The following ARVCF variants were observed in gnomAD, a reference collection of about 807,000 sequenced individuals.
ARVCF encodes the protein splicing regulator ARVCF.
ARVCF carries 66 observed loss-of-function variants against 90.9 expected under a neutral mutation model. That is an observed-to-expected ratio of 0.73 (90% CI 0.60 to 0.89). ARVCF has a LOEUF of 0.89. Among genes scored for constraint, ARVCF ranks in the 40% least tolerant of loss-of-function variants. The probability of loss-of-function intolerance (pLI) is 0.00; values close to 1 mark genes in which losing one functional copy is unlikely to be tolerated. For missense variants in ARVCF, 1,469 were observed against 1,382.3 expected, an observed-to-expected ratio of 1.06 and a Z score of -1.00; for synonymous variants, 653 against 603.4, an observed-to-expected ratio of 1.08 and a Z score of -1.21.
chr22:19,979,365 G>A (rs1289245596), intron 6 of ARVCF: 11 of 522,248 alleles, frequency 2.1e-5, no homozygotes, highest in South Asian at 7.7e-5. Context: ...GAGGCCACAG[G>A]GCCTCACAGA....
chr22:19,984,652 C>T (rs901226080), intron 3 of ARVCF, among the ~76,000 whole-genome samples: 2 of 152,220 alleles, frequency 1.3e-5, no homozygotes, highest in Admixed American at 6.5e-5. Flanking sequence ...CGGCACAGGC[C>T]GAGCACATCA....
intron 2 of ARVCF, among the ~76,000 whole-genome samples, chr22:20,004,859 C>T (rs566436939): frequency 3.9e-5 from 6 of 152,220 alleles, no homozygotes; most frequent in African/African-American, 1.4e-4. Context: ...GAACTCACAC[C>T]CTTACCTTAT....
intron 6 of ARVCF, chr22:19,979,515 A>G: frequency 1.1e-5 from 7 of 665,406 alleles, no homozygotes; most frequent in Non-Finnish European, 1.5e-5. Flanking sequence ...GTGAGGGGAC[A>G]TGCCCGAGGG....
In ARVCF at chr22:19,972,506, GCTCT is replaced by G. The variant is rs573735064; in HGVS notation, c.2642-99_2642-96del. The G allele has an allele frequency of 5.2e-3, 7,715 of 1,489,964 alleles. 33 individuals are homozygous for G. Among genetic ancestry groups the G allele is most frequent in the Non-Finnish European group, 6.5e-3 (7,022 of 1,083,902 alleles). 92.3% of individuals were successfully genotyped at this position (1,489,964 alleles called of 1,614,324 possible). On this transcript the variant is annotated intron_variant, in intron 16 of 19. Transcript: ENST00000263207. ...AGGGCTGGCCCAGGTAGCCCTAGAG[GCTCT>G]CTGTCACTAAGGTGCCCAACCTCTG...
chr22:19,987,578 G>C (rs1057105952), intron 3 of ARVCF, among the ~76,000 whole-genome samples: 2 of 152,066 alleles, frequency 1.3e-5, no homozygotes, highest in Non-Finnish European at 2.9e-5. Flanking sequence ...CCCGTGCTGC[G>C]ATGCACAGAG....
chr22:19,994,755 AGATGAATG>A, intron 2 of ARVCF, among the ~76,000 whole-genome samples: 1 of 131,640 alleles, frequency 7.6e-6, no homozygotes, highest in South Asian at 2.7e-4. Flanking sequence ...ATGGACATAT[AGATGAATG>A]GATGGATGGG....
chr22:19,995,192 A>G (rs1284321095), intron 2 of ARVCF, among the ~76,000 whole-genome samples: 1 of 151,966 alleles, frequency 6.6e-6, no homozygotes, highest in Non-Finnish European at 1.5e-5. Context: ...GTTATATAAG[A>G]AAATGAGGGG....
At chr22:19,980,423 A>C in intron 5 of ARVCF, 181 bp from the exon 6 acceptor site, 1 of 944,996 alleles carries the variant, frequency 1.1e-6, no homozygotes. Flanking sequence ...CCCAGTGAGA[A>C]CCAATTCAGA....
At chr22:19,978,550 G>A (rs1380160206) in intron 7 of ARVCF, among the ~76,000 whole-genome samples, 1 of 152,154 alleles carries the variant, frequency 6.6e-6, no homozygotes, top group African/African-American at 2.4e-5. Context: ...GGGTAGGAGG[G>A]GAAGGGCAGA....
At chr22:19,991,744 T>C (rs1435742882) in intron 2 of ARVCF, among the ~76,000 whole-genome samples, 1 of 152,198 alleles carries the variant, frequency 6.6e-6, no homozygotes, top group Non-Finnish European at 1.5e-5. Flanking sequence ...CTGCCCAGAA[T>C]GTTTGTTTTT....
At chr22:19,972,323 G>C in intron 17 of ARVCF, 35 bp downstream of exon 17, 1 of 1,613,406 alleles carries the variant, frequency 6.2e-7, no homozygotes, top group Non-Finnish European at 8.5e-7. Flanking sequence ...TCCCCTCCCG[G>C]CACAGAAAAC....
intron 1 of ARVCF, among the ~76,000 whole-genome samples, chr22:20,010,773 C>T (rs952195836): frequency 6.6e-6 from 1 of 152,240 alleles, no homozygotes; most frequent in South Asian, 2.1e-4. Flanking sequence ...AAACGTGATC[C>T]TTCAGAGATG....
At chr22:19,995,522 G>A (rs369384462) in intron 2 of ARVCF, among the ~76,000 whole-genome samples, 82 of 152,308 alleles carry the variant, frequency 5.4e-4, no homozygotes, top group African/African-American at 1.9e-3. Flanking sequence ...AAGGCATGGT[G>A]AGGAACCTGA....
intron 1 of ARVCF, among the ~76,000 whole-genome samples, chr22:20,010,871 C>G (rs966958504): frequency 6.6e-6 from 1 of 152,250 alleles, no homozygotes; most frequent in Non-Finnish European, 1.5e-5. Context: ...TGTTGCCCCA[C>G]GCAGGTGCTC....
chr22:19,988,423 G>A (rs1291117072), intron 3 of ARVCF, among the ~76,000 whole-genome samples: 5 of 152,240 alleles, frequency 3.3e-5, no homozygotes, highest in Admixed American at 3.3e-4. Flanking sequence ...AGCAGCTAGT[G>A]CCCCAGCCAC....
Position 19,972,766 on chromosome 22 carries a change from C to CT in ARVCF, c.2611dup (p.Ser871LysfsTer11). 1 of 1,613,022 alleles carries CT rather than the reference C, an allele frequency of 6.2e-7. No homozygotes were observed. Among genetic ancestry groups the CT allele is most frequent in the Non-Finnish European group, 8.5e-7 (1 of 1,179,504 alleles). On this transcript the variant is annotated frameshift_variant, in exon 16 of 20. Transcript: ENST00000263207. LOFTEE classifies it high-confidence loss of function. Reference sequence around the variant, plus strand: ...GCTCTTGTCCACCAGTGGCAGCGTGCTGTCATCGAAGCCCCCAGGACTCAG... The same window carrying CT: ...GCTCTTGTCCACCAGTGGCAGCGTGCTTGTCATCGAAGCCCCCAGGACTCAG...
At chr22:19,987,578 G>A (rs1057105952) in intron 3 of ARVCF, among the ~76,000 whole-genome samples, 4 of 152,066 alleles carry the variant, frequency 2.6e-5, no homozygotes, top group African/African-American at 9.7e-5. Flanking sequence ...CCCGTGCTGC[G>A]ATGCACAGAG....
intron 2 of ARVCF, among the ~76,000 whole-genome samples, chr22:20,002,032 T>C (rs1431180511): frequency 6.6e-6 from 1 of 151,910 alleles, no homozygotes; most frequent in Non-Finnish European, 1.5e-5. Context: ...TGATAGGAGT[T>C]TCCAGAGCGA....
downstream of ARVCF, among the ~76,000 whole-genome samples, chr22:19,966,469 T>C (rs1467719027): frequency 6.9e-6 from 1 of 145,970 alleles, no homozygotes; most frequent in East Asian, 2.0e-4. Context: ...AAAGACAGAG[T>C]CTTGCTCTGT....
Sources: gnomAD v4.1 joint callset for allele counts (sites outside exome capture counted in the v4.1 genomes callset) on GRCh38, gnomAD v4.1.1 for gene constraint, MANE v1.5 for transcripts, NCBI Gene and HGNC (gene_info 2026-07-23, HGNC 2026-07-21) for gene names.